Variants in PKD2L2 observed in about 807,000 individuals in gnomAD.
PKD2L2 encodes the protein polycystin-2-like protein 2.
In PKD2L2, 67 loss-of-function variants were observed where a neutral mutation model predicts 83.9. The observed-to-expected ratio is 0.80, with a 90% CI of 0.66 to 0.98. PKD2L2 has a LOEUF of 0.98. Ranked by LOEUF, PKD2L2 falls within the 50% of genes least tolerant of loss-of-function variation. The pLI, the probability that PKD2L2 is intolerant of heterozygous loss-of-function variation, is 0.00. For missense variants in PKD2L2, 632 were observed against 717.2 expected (o/e 0.88, Z 1.36); for synonymous variants, 223 against 237.8 (o/e 0.94, Z 0.57).
Position 137,925,060 on chromosome 5 carries a change from G to A in PKD2L2, c.1572G>A (p.Glu524=). Reference sequence around the variant, plus strand: ...CCCAGAGTTACAAAAATGTTCTCGAGAAATTCAGACTGAAGAAAGCTCAAA... The same window carrying A: ...CCCAGAGTTACAAAAATGTTCTCGAAAAATTCAGACTGAAGAAAGCTCAAA... The part of the protein sequence containing the change: ...MIKQSYKNVL[E]KFRLKKAQKD... Residue 524 remains glutamate, a synonymous_variant, in exon 11 of 15, where the codon GAG becomes GAA. Coordinates refer to ENST00000508883, the MANE Select transcript of PKD2L2 (RefSeq NM_001300921.2). The A allele has an allele frequency of 1.2e-6, 2 of 1,602,728 alleles. No individual in the cohort carries two copies. Among genetic ancestry groups the A allele is most frequent in the Non-Finnish European group, 1.7e-6 (2 of 1,170,006 alleles).
intron 12 of PKD2L2, among the ~76,000 whole-genome samples, chr5:137,927,446 A>T (rs1759467694): frequency 6.6e-6 from 1 of 152,244 alleles, no homozygotes; most frequent in Admixed American, 6.5e-5. Flanking sequence ...AGATTAAATG[A>T]GATTAAAATG....
In PKD2L2 at chr5:137,936,352, A is replaced by C; in HGVS notation, c.1817A>C (p.Glu606Ala). ...TTATATGCTGTGGAGCTGGAGAAGG[A>C]ATTACACTACATCAATTTGAAGCTA... ...LFLYAVELEKELHYINLKLNQ... is the reference protein window; with the variant it reads ...LFLYAVELEKALHYINLKLNQ... The change falls in exon 14 of 15, where the codon GAA becomes GCA. Residue 606 changes from glutamate to alanine, a missense_variant. This residue lies in a region of PKD2L2 where 399 missense variants were observed against 416.9 expected (regional missense o/e 0.96). Coordinates refer to ENST00000508883, the MANE Select transcript of PKD2L2 (RefSeq NM_001300921.2). 1.3e-6 allele frequency: 2 copies of C among 1,532,352 alleles called. No homozygotes were observed. Among genetic ancestry groups the C allele is most frequent in the Non-Finnish European group, 1.7e-6 (2 of 1,143,242 alleles). 94.9% of individuals were successfully genotyped at this position (1,532,352 alleles called of 1,614,324 possible).
rs1286334002 is a variant in PKD2L2 at position 137,906,415 on chromosome 5, T to C, written c.956T>C (p.Leu319Pro). 6.3e-7 allele frequency: 1 copy of C among 1,593,784 alleles called. No homozygotes were observed. ...SAYFKSIWNW[L>P]ELLLLLLCFV... ...TATTTCAAAAGTATTTGGAACTGGC[T>C]AGAATTGCTACTTTTGCTGGTGAGT... is the stretch of plus-strand genomic sequence containing the variant. The change falls in exon 6 of 15, where the codon CTA becomes CCA. Residue 319 changes from leucine (L) to proline (P), a missense_variant. By Grantham distance (98) the Leu-to-Pro change is moderately conservative. Coordinates refer to ENST00000508883, the MANE Select transcript of PKD2L2 (RefSeq NM_001300921.2).
chr5:137,910,046 G>A (rs773723513), intron 8 of PKD2L2, among the ~76,000 whole-genome samples: 4 of 151,854 alleles, frequency 2.6e-5, no homozygotes, highest in Non-Finnish European at 5.9e-5. Context: ...AACATAGCAA[G>A]ACTGCGTTTC....
At chr5:137,924,165 C>G (rs939024799) in intron 10 of PKD2L2, among the ~76,000 whole-genome samples, 1 of 152,186 alleles carries the variant, frequency 6.6e-6, no homozygotes, top group African/African-American at 2.4e-5. Flanking sequence ...AGCCTCTTCC[C>G]TGTGCCAGTC....
intron 10 of PKD2L2, among the ~76,000 whole-genome samples, chr5:137,923,924 G>A (rs569147108): frequency 6.6e-5 from 10 of 152,144 alleles, no homozygotes; most frequent in Middle Eastern, 6.8e-3. Flanking sequence ...TCATTTTCCT[G>A]TTTCTGTTCA....
Position 137,889,469 on chromosome 5 carries a change from G to C in PKD2L2, c.-23G>C, listed in dbSNP as rs1346753450. The C allele has an allele frequency of 3.8e-6, 6 of 1,585,024 alleles. No homozygotes were observed. Among genetic ancestry groups the C allele is most frequent in the Admixed American group, 1.8e-5 (1 of 56,174 alleles). On this transcript the variant is annotated 5_prime_UTR_variant, in exon 1 of 15. Coordinates refer to ENST00000508883, the MANE Select transcript of PKD2L2 (RefSeq NM_001300921.2). ...GCGCCGCGGCCTCAGGCGAACGAAC[G>C]GGCGGTGTAGTGCAGGTCCGCCATG...
chr5:137,932,820 C>T (rs1759983352), intron 12 of PKD2L2, among the ~76,000 whole-genome samples: 1 of 152,072 alleles, frequency 6.6e-6, no homozygotes, highest in Admixed American at 6.6e-5. Context: ...ATCCAAAATG[C>T]TCCAGTGAGC....
rs1284928878 is a variant in PKD2L2, at chr5:137,936,003, TTACTC to T, written c.1784+97_1784+101del. On this transcript the variant is annotated intron_variant, in intron 13 of 14. Coordinates refer to ENST00000508883, the MANE Select transcript of PKD2L2 (RefSeq NM_001300921.2). The stretch of plus-strand genomic sequence containing the variant: ...ACATTATTTTCCTGAACCCAAAACT[TTACTC>T]TATTAGGATGCCTTTATTTACTTTC... The T allele has an allele frequency of 5.2e-5, 39 of 756,904 alleles. No individual in the cohort carries two copies. In the East Asian group the frequency reaches 5.2e-4, roughly 10 times the overall value. The allele number at this position is 756,904 out of a possible 1,614,324, so 46.9% of individuals were successfully genotyped here.
intron 13 of PKD2L2, among the ~76,000 whole-genome samples, 165 bp downstream of exon 13, chr5:137,936,074 A>G (rs1358217715): frequency 2.0e-5 from 3 of 152,224 alleles, no homozygotes; most frequent in Non-Finnish European, 2.9e-5. Context: ...TTTGCTTACA[A>G]GGTGAGAAGC....
At chr5:137,897,265 C>T (rs1481995742) in intron 4 of PKD2L2, among the ~76,000 whole-genome samples, 1 of 151,870 alleles carries the variant, frequency 6.6e-6, no homozygotes, top group African/African-American at 2.4e-5. Flanking sequence ...CCATGTTGCC[C>T]AGGCTGGTCT....
At chr5:137,915,036 A>C (rs2150033335) in intron 8 of PKD2L2, among the ~76,000 whole-genome samples, 1 of 152,272 alleles carries the variant, frequency 6.6e-6, no homozygotes, top group African/African-American at 2.4e-5. Flanking sequence ...GTATTTATTA[A>C]GGATTTTTGC....
At chr5:137,899,193 C>G (rs1756742891) in intron 4 of PKD2L2, among the ~76,000 whole-genome samples, 1 of 152,176 alleles carries the variant, frequency 6.6e-6, no homozygotes. Flanking sequence ...TCACAGCTCA[C>G]TGCAGCTCAA....
At chr5:137,908,096 T>C (rs1411274585) in intron 7 of PKD2L2, among the ~76,000 whole-genome samples, 184 bp downstream of exon 7, 2 of 152,156 alleles carry the variant, frequency 1.3e-5, no homozygotes, top group Non-Finnish European at 2.9e-5. Flanking sequence ...AGGTAGATTC[T>C]TGGCCCCAGG....
chr5:137,899,428 A>G, intron 4 of PKD2L2, 88 bp from the exon 5 acceptor site: 1 of 952,826 alleles, frequency 1.0e-6, no homozygotes, highest in Non-Finnish European at 1.6e-6. Context: ...AAAAACTACT[A>G]CTTTTGAACC....
At chr5:137,915,870 T>C (rs749722780) in intron 8 of PKD2L2, among the ~76,000 whole-genome samples, 3 of 152,248 alleles carry the variant, frequency 2.0e-5, no homozygotes, top group Non-Finnish European at 4.4e-5. Context: ...ACTGTGTTCC[T>C]TCATATGGCT....
At chr5:137,914,807 A>G (rs1439435014) in intron 8 of PKD2L2, among the ~76,000 whole-genome samples, 1 of 152,182 alleles carries the variant, frequency 6.6e-6, no homozygotes, top group Non-Finnish European at 1.5e-5. Flanking sequence ...CATTCTTTCT[A>G]TACCTAATTT....
At chr5:137,914,031 CTTTTTTTTTTTTTTTTTTTTTTTTT>C (rs58118724) in intron 8 of PKD2L2, among the ~76,000 whole-genome samples, 3 of 42,302 alleles carry the variant, frequency 7.1e-5, no homozygotes, top group Non-Finnish European at 1.2e-4. Flanking sequence ...CCACACTTGG[CTTTTTTTTTTTTTTTTTTTTTTTTT>C]TTTTTTTTTT....
chr5:137,900,728 G>A (rs1478356758), intron 5 of PKD2L2, among the ~76,000 whole-genome samples: 1 of 152,244 alleles, frequency 6.6e-6, no homozygotes, highest in Non-Finnish European at 1.5e-5. Flanking sequence ...GCCAGCAGGT[G>A]TGAAAATCTT....
Sources: allele counts gnomAD v4.1 joint callset (sites outside exome capture counted in the v4.1 genomes callset), GRCh38; gene constraint gnomAD v4.1.1; regional missense constraint gnomAD v4.1.1; transcripts MANE v1.5; gene names NCBI Gene and HGNC (gene_info 2026-07-23, HGNC 2026-07-21).